PTPRD: variants seen among roughly 807,000 people sequenced by gnomAD.
PTPRD encodes receptor-type tyrosine-protein phosphatase delta.
In PTPRD, 34 loss-of-function variants were observed where a neutral mutation model predicts 214.5. That is an observed-to-expected ratio of 0.16 (90% CI 0.12 to 0.21). The LOEUF is 0.21. PTPRD is among the 10% of genes least tolerant of loss of function. The pLI is 1.00. For missense variants in PTPRD, 2,545 were observed against 2,398.7 expected (o/e 1.06, Z -1.27); for synonymous variants, 1,128 against 845.7 (o/e 1.33, Z -5.79).
At chr9:9,274,707 T>A (rs1012209624) in intron 9 of PTPRD, among the ~76,000 whole-genome samples, 4 of 151,154 alleles carry the variant, frequency 2.6e-5, no homozygotes, top group Admixed American at 6.6e-5. Flanking sequence ...TTTGTGCAAG[T>A]AGAATAATTG....
intron 14 of PTPRD, among the ~76,000 whole-genome samples, chr9:8,608,645 T>C (rs1362847190): frequency 6.6e-6 from 1 of 152,112 alleles, no homozygotes; most frequent in East Asian, 1.9e-4. Context: ...TCAGCCAGAA[T>C]ACTGGAAAAT....
At chr9:8,696,037 C>A (rs1451178365) in intron 12 of PTPRD, among the ~76,000 whole-genome samples, 1 of 152,166 alleles carries the variant, frequency 6.6e-6, no homozygotes, top group East Asian at 1.9e-4. Context: ...CAGTATGACA[C>A]CTGACATAAG....
At chr9:9,393,958 G>A (rs1439741435) in intron 9 of PTPRD, among the ~76,000 whole-genome samples, 1 of 152,084 alleles carries the variant, frequency 6.6e-6, no homozygotes, top group Non-Finnish European at 1.5e-5. Context: ...ATACTTTCCT[G>A]ATAGCTAGTG....
At chr9:9,198,716 GAT>G (rs2099940121) in intron 9 of PTPRD, among the ~76,000 whole-genome samples, 1 of 152,132 alleles carries the variant, frequency 6.6e-6, no homozygotes, top group African/African-American at 2.4e-5. Flanking sequence ...AAATGAAGTG[GAT>G]AGATGCCTTA....
intron 4 of PTPRD, among the ~76,000 whole-genome samples, chr9:10,032,151 T>G (rs1277038027): frequency 6.6e-6 from 1 of 152,142 alleles, no homozygotes; most frequent in Non-Finnish European, 1.5e-5. Flanking sequence ...TCTGATACAC[T>G]GTGAAAAACA....
chr9:8,838,277 G>A (rs1433265033), intron 11 of PTPRD, among the ~76,000 whole-genome samples: 1 of 151,968 alleles, frequency 6.6e-6, no homozygotes, highest in Admixed American at 6.6e-5. Flanking sequence ...AAATACTTGG[G>A]GGAAGGAAGG....
At chr9:9,558,125 CTCTG>C (rs1007161178) in intron 8 of PTPRD, among the ~76,000 whole-genome samples, 4 of 152,134 alleles carry the variant, frequency 2.6e-5, no homozygotes, top group African/African-American at 9.7e-5. Context: ...CTTTGGCTCT[CTCTG>C]TCTTTCTCTG....
chr9:9,899,003 A>C (rs905685606), intron 5 of PTPRD, among the ~76,000 whole-genome samples: 1 of 152,116 alleles, frequency 6.6e-6, no homozygotes, highest in Non-Finnish European at 1.5e-5. Flanking sequence ...AAAAACTACC[A>C]AACAAAAATT....
intron 14 of PTPRD, among the ~76,000 whole-genome samples, chr9:8,567,538 C>T (rs924601611): frequency 6.6e-5 from 10 of 152,156 alleles, no homozygotes; most frequent in Non-Finnish European, 1.3e-4. Context: ...TGGAATGGCA[C>T]AGTCATCATG....
At chr9:8,557,115 T>C (rs1266865042) in intron 14 of PTPRD, among the ~76,000 whole-genome samples, 2 of 151,932 alleles carry the variant, frequency 1.3e-5, no homozygotes, top group Non-Finnish European at 2.9e-5. Context: ...AGGGCCACAG[T>C]GGAAGGGAGG....
rs187882744 is a variant in PTPRD, at chr9:10,200,299, T to C, written c.-545+140664A>G. Among the ~76,000 whole-genome samples the C allele has an allele frequency of 2.7e-3, 418 of 152,258 alleles. 4 individuals are homozygous for C. The highest frequency in any genetic ancestry group is 9.6e-3 in the African/African-American group (398 of 41,564). ...CTGACTGGTATAACATATAGATCAG[T>C]GGTTTTCAACTGGGAAATTTTTTTC... On this transcript the variant is annotated intron_variant, in intron 3 of 45. Transcript: ENST00000381196.
chr9:8,839,450 G>A (rs889876688), intron 11 of PTPRD, among the ~76,000 whole-genome samples: 24 of 152,032 alleles, frequency 1.6e-4, no homozygotes, highest in African/African-American at 4.8e-4. Flanking sequence ...TCAGCCACCC[G>A]AACAGCTGGG....
chr9:8,682,553 T>G lies in PTPRD; in HGVS notation c.65-45709A>C, dbSNP rs117462173. Among the ~76,000 whole-genome samples, 278 of 152,286 alleles carry G rather than the reference T, an allele frequency of 1.8e-3. 2 individuals carry two copies. In the East Asian group the frequency reaches 0.048, roughly 26 times the overall value. Reference sequence around the variant, plus strand: ...AACTATATGAAATTATAAAAAACATTTAAAAATAATTAACACCCTTTTTTC... The same window carrying G: ...AACTATATGAAATTATAAAAAACATGTAAAAATAATTAACACCCTTTTTTC... On this transcript the variant is annotated intron_variant, in intron 12 of 45. Transcript: ENST00000381196.
chr9:10,080,947 C>T (rs769358873), intron 3 of PTPRD, among the ~76,000 whole-genome samples: 3 of 151,892 alleles, frequency 2.0e-5, no homozygotes, highest in Non-Finnish European at 2.9e-5. Context: ...TTGTTTCTTG[C>T]CTACTCTCAG....
chr9:10,090,839 T>C lies in PTPRD; in HGVS notation c.-544-57049A>G, dbSNP rs777339195. On this transcript the variant is annotated intron_variant, in intron 3 of 45. Transcript: ENST00000381196. ...GAACTATAAAATATTAGTGTATCAA[T>C]CACCATGTAATATCTTAAACGGTAA... is the stretch of plus-strand genomic sequence containing the variant. Among the ~76,000 whole-genome samples, 72 of 147,916 alleles carry C rather than the reference T, an allele frequency of 4.9e-4. 2 individuals carry two copies. Among genetic ancestry groups the C allele is most frequent in the Non-Finnish European group, 1.2e-4 (8 of 66,876 alleles).
intron 12 of PTPRD, among the ~76,000 whole-genome samples, chr9:8,723,279 G>A (rs948424391): frequency 1.3e-5 from 2 of 151,902 alleles, no homozygotes. Context: ...CCCATTCTTC[G>A]GCTCAAGTGT....
At chr9:8,454,811 A>AGTGTGT (rs3043784) in intron 33 of PTPRD, among the ~76,000 whole-genome samples, 41 of 148,644 alleles carry the variant, frequency 2.8e-4, no homozygotes, top group African/African-American at 5.7e-4. Context: ...CTGAATACAT[A>AGTGTGT]GTGTGTGTGT....
intron 2 of PTPRD, among the ~76,000 whole-genome samples, chr9:10,505,344 C>T (rs768372849): frequency 6.6e-6 from 1 of 152,118 alleles, no homozygotes; most frequent in African/African-American, 2.4e-5. Flanking sequence ...AGCTGGTACA[C>T]ATATTGTAGT....
intron 9 of PTPRD, among the ~76,000 whole-genome samples, chr9:9,364,701 GA>G (rs543327167): frequency 1.2e-3 from 189 of 151,514 alleles, no homozygotes; most frequent in African/African-American, 4.4e-3. Flanking sequence ...AACGAGCAAG[GA>G]AAGGTCCCAT....
Sources: gnomAD v4.1 joint callset for allele counts (sites outside exome capture counted in the v4.1 genomes callset) on GRCh38, gnomAD v4.1.1 for gene constraint, MANE v1.5 for transcripts, NCBI Gene and HGNC (gene_info 2026-07-23, HGNC 2026-07-21) for gene names.